The following FOXP2 variants were observed in gnomAD, a reference collection of about 807,000 sequenced individuals.
FOXP2 encodes forkhead box protein P2.
Under a neutral mutation model 115.8 loss-of-function variants are expected in FOXP2, and 12 were observed. The observed-to-expected ratio is 0.10, with a 90% CI of 0.07 to 0.17. The LOEUF is 0.17. Among genes scored for constraint, FOXP2 ranks in the 10% least tolerant of loss-of-function variants. FOXP2 has a pLI of 1.00. For missense variants in FOXP2, 629 were observed against 843.5 expected (o/e 0.75, Z 3.15); for synonymous variants, 328 against 297.7 (o/e 1.10, Z -1.05).
intron 1 of FOXP2, among the ~76,000 whole-genome samples, chr7:114,113,857 A>AT (rs1403006442): frequency 1.3e-5 from 2 of 152,066 alleles, no homozygotes; most frequent in Non-Finnish European, 2.9e-5. Flanking sequence ...CAACATGATT[A>AT]TTTTTGGGGT....
chr7:114,229,181 A>T (rs1050361885), intron 1 of FOXP2, among the ~76,000 whole-genome samples: 2 of 151,054 alleles, frequency 1.3e-5, no homozygotes, highest in Non-Finnish European at 3.0e-5. Context: ...AAAAGAGTAA[A>T]TTCATCATGA....
At chr7:114,498,822 T>C in intron 2 of FOXP2, 1 of 717,430 alleles carries the variant, frequency 1.4e-6, no homozygotes, top group Admixed American at 2.0e-5. Context: ...GATGATTTCA[T>C]GTTGGGTGGT....
chr7:114,140,366 C>G (rs1196261632), intron 1 of FOXP2, among the ~76,000 whole-genome samples: 1 of 152,118 alleles, frequency 6.6e-6, no homozygotes, highest in Non-Finnish European at 1.5e-5. Context: ...AAAATGTGTT[C>G]TGTCCATTGA....
intron 3 of FOXP2, among the ~76,000 whole-genome samples, chr7:114,557,485 T>A (rs1024884165): frequency 8.0e-5 from 12 of 149,398 alleles, no homozygotes; most frequent in South Asian, 6.5e-4. Flanking sequence ...TCATGTTAAA[T>A]ATAATAAGAA....
At chr7:114,536,432 C>G (rs1392854858) in intron 3 of FOXP2, among the ~76,000 whole-genome samples, 1 of 116,926 alleles carries the variant, frequency 8.6e-6, no homozygotes, top group African/African-American at 3.3e-5. Context: ...GTTGTTGTTG[C>G]ATTGAAAGGC....
chr7:114,678,568 T>C (rs1807901694), intron 16 of FOXP2, among the ~76,000 whole-genome samples: 1 of 149,114 alleles, frequency 6.7e-6, no homozygotes, highest in South Asian at 2.2e-4. Context: ...TTTTTTTTTT[T>C]TTTTTGCTTG....
chr7:114,163,605 C>T (rs181302389), intron 1 of FOXP2, among the ~76,000 whole-genome samples: 31 of 152,028 alleles, frequency 2.0e-4, no homozygotes, highest in Non-Finnish European at 3.8e-4. Context: ...TCAATTTTGT[C>T]GGCTCAGTGT....
At chr7:114,491,281 T>A (rs1410758066) in intron 2 of FOXP2, among the ~76,000 whole-genome samples, 1 of 152,252 alleles carries the variant, frequency 6.6e-6, no homozygotes, top group Non-Finnish European at 1.5e-5. Flanking sequence ...TTTTCATGTG[T>A]CTTTTGGCTG....
At chr7:114,322,189 A>G (rs1368802248) in intron 2 of FOXP2, among the ~76,000 whole-genome samples, 1 of 151,720 alleles carries the variant, frequency 6.6e-6, no homozygotes, top group Admixed American at 6.6e-5. Flanking sequence ...TGCCCAGCTA[A>G]TATTTTCTTT....
At position 114,436,500 on chromosome 7, in the gene FOXP2, A is replaced by G. The variant is rs145580791; in HGVS notation, c.168+9821A>G. Among the ~76,000 whole-genome samples the G allele has an allele frequency of 3.0e-3, 459 of 151,628 alleles. 2 individuals carry two copies. Among genetic ancestry groups the G allele is most frequent in the African/African-American group, 0.011 (446 of 41,384 alleles). On this transcript the variant is annotated intron_variant, in intron 2 of 16. Coordinates refer to ENST00000350908, the MANE Select transcript of FOXP2 (RefSeq NM_014491.4). ...TTATTTTAGGAGTAAAATTATTGAT[A>G]TAAAATTCTTAGCAAATTTATTAAT...
chr7:114,207,327 T>G (rs186798383), intron 1 of FOXP2, among the ~76,000 whole-genome samples: 1 of 152,226 alleles, frequency 6.6e-6, no homozygotes, highest in Non-Finnish European at 1.5e-5. Context: ...AGGAGTCATA[T>G]AATTTTATGT....
intron 1 of FOXP2, among the ~76,000 whole-genome samples, chr7:114,279,401 T>C (rs925262000): frequency 6.6e-6 from 1 of 152,178 alleles, no homozygotes; most frequent in Non-Finnish European, 1.5e-5. Flanking sequence ...TAGTGGTGGT[T>C]ATTTATTCCT....
intron 3 of FOXP2, among the ~76,000 whole-genome samples, chr7:114,586,631 A>G (rs1203962869): frequency 1.3e-5 from 2 of 152,090 alleles, no homozygotes; most frequent in African/African-American, 4.8e-5. Flanking sequence ...TTTAAAATAA[A>G]TAAGGTGCTT....
chr7:114,112,306 C>CT (rs989217410), intron 1 of FOXP2, among the ~76,000 whole-genome samples: 18 of 150,678 alleles, frequency 1.2e-4, no homozygotes, highest in African/African-American at 3.9e-4. Flanking sequence ...CTTTTTTTTT[C>CT]TTTTTTTTGA....
At chr7:114,210,670 G>A (rs1426275162) in intron 1 of FOXP2, among the ~76,000 whole-genome samples, 1 of 152,190 alleles carries the variant, frequency 6.6e-6, no homozygotes, top group African/African-American at 2.4e-5. Flanking sequence ...CTGCTTTTTG[G>A]TAGAGGAGGT....
intron 1 of FOXP2, among the ~76,000 whole-genome samples, chr7:114,194,483 T>A (rs1793848845): frequency 6.6e-6 from 1 of 152,104 alleles, no homozygotes; most frequent in Non-Finnish European, 1.5e-5. Flanking sequence ...AAATTTTGTT[T>A]TGCTTTTGTA....
chr7:114,419,144 C>G (rs116869259), intron 1 of FOXP2, among the ~76,000 whole-genome samples: 12,112 of 151,824 alleles, frequency 0.08, 514 homozygotes, highest in Middle Eastern at 0.16. Flanking sequence ...ATATGTATGT[C>G]AAGTATATGC....
chr7:114,673,465 T>G (rs1237447390), intron 16 of FOXP2, among the ~76,000 whole-genome samples: 1 of 152,222 alleles, frequency 6.6e-6, no homozygotes, highest in Non-Finnish European at 1.5e-5. Flanking sequence ...TACATTGTGT[T>G]TTTTAAAAAT....
At chr7:114,136,478 A>G (rs1792041723) in intron 1 of FOXP2, among the ~76,000 whole-genome samples, 1 of 152,066 alleles carries the variant, frequency 6.6e-6, no homozygotes, top group Non-Finnish European at 1.5e-5. Flanking sequence ...TTTGCATAGT[A>G]AAAGTTTATT....
Sources: allele counts gnomAD v4.1 joint callset (sites outside exome capture counted in the v4.1 genomes callset), GRCh38; gene constraint gnomAD v4.1.1; transcripts MANE v1.5; gene names NCBI Gene and HGNC (gene_info 2026-07-23, HGNC 2026-07-21).